The following RBFOX1 variants were observed in gnomAD, a reference collection of about 807,000 sequenced individuals.
RBFOX1 encodes RNA binding fox-1 homolog 1, also known as RNA binding protein fox-1 homolog 1.
In RBFOX1, 8 loss-of-function variants were observed where a neutral mutation model predicts 57.7. The ratio of observed to expected loss-of-function variants is 0.14; its 90% confidence interval spans 0.08 to 0.25. RBFOX1 has a LOEUF of 0.25. Ranked by LOEUF, RBFOX1 falls within the 10% of genes least tolerant of loss-of-function variation. The pLI, the probability that RBFOX1 is intolerant of heterozygous loss-of-function variation, is 1.00. For missense variants in RBFOX1, 611 were observed against 548.5 expected (o/e 1.11, Z -1.14); for synonymous variants, 326 against 222.4 (o/e 1.47, Z -4.15).
At chr16:5,889,921 G>A (rs2058004943) in intron 4 of RBFOX1, among the ~76,000 whole-genome samples, 1 of 152,226 alleles carries the variant, frequency 6.6e-6, no homozygotes, top group Non-Finnish European at 1.5e-5. Flanking sequence ...GGATCTGGCA[G>A]AGGACGAAGA....
chr16:6,095,817 G>T (rs1449585218), intron 1 of RBFOX1, among the ~76,000 whole-genome samples: 1 of 152,184 alleles, frequency 6.6e-6, no homozygotes, highest in Non-Finnish European at 1.5e-5. Flanking sequence ...TACCAACAGT[G>T]CCTGGTTTTC....
At chr16:6,699,301 T>G (rs1478133653) in intron 3 of RBFOX1, among the ~76,000 whole-genome samples, 1 of 103,842 alleles carries the variant, frequency 9.6e-6, no homozygotes, top group Non-Finnish European at 1.9e-5. Flanking sequence ...CTATGTTACT[T>G]TTTTTTTTTT....
chr16:5,443,327 A>G (rs961597539), intron 1 of RBFOX1, among the ~76,000 whole-genome samples: 2 of 152,006 alleles, frequency 1.3e-5, no homozygotes, highest in Non-Finnish European at 1.5e-5. Context: ...GTCACCTACC[A>G]TCTGCGTTTT....
chr16:6,782,088 C>T (rs575946483), intron 3 of RBFOX1, among the ~76,000 whole-genome samples: 1 of 152,048 alleles, frequency 6.6e-6, no homozygotes, highest in African/African-American at 2.4e-5. Context: ...CTCACTGCAA[C>T]CTCCGCCTCC....
At chr16:6,840,897 A>AAC (rs2093423186) in intron 3 of RBFOX1, among the ~76,000 whole-genome samples, 1 of 137,498 alleles carries the variant, frequency 7.3e-6, no homozygotes, top group African/African-American at 2.8e-5. Context: ...CAAAAAAAAA[A>AAC]AAAAAAACGA....
At chr16:7,506,686 G>C (rs74010539) in intron 4 of RBFOX1, among the ~76,000 whole-genome samples, 3,771 of 152,176 alleles carry the variant, frequency 0.025, 127 homozygotes, top group African/African-American at 0.086. Flanking sequence ...ATAAGATTGT[G>C]TTAAAATTCG....
intron 2 of RBFOX1, among the ~76,000 whole-genome samples, chr16:6,617,451 C>T (rs532655717): frequency 2.6e-5 from 4 of 152,050 alleles, no homozygotes; most frequent in Admixed American, 2.6e-4. Flanking sequence ...GTCTGACTCT[C>T]CAGTTCACTT....
chr16:7,200,100 A>G (rs2087934805), intron 4 of RBFOX1, among the ~76,000 whole-genome samples: 1 of 152,230 alleles, frequency 6.6e-6, no homozygotes, highest in Admixed American at 6.5e-5. Context: ...AGTGTCAGGG[A>G]CATGAACACA....
chr16:7,297,636 TA>T (rs951392306), intron 4 of RBFOX1, among the ~76,000 whole-genome samples: 4 of 151,922 alleles, frequency 2.6e-5, no homozygotes, highest in African/African-American at 7.3e-5. Context: ...TTACCACCAT[TA>T]AAAAAAATTA....
At chr16:7,207,477 C>A (rs902395767) in intron 4 of RBFOX1, among the ~76,000 whole-genome samples, 2 of 152,112 alleles carry the variant, frequency 1.3e-5, no homozygotes, top group African/African-American at 4.8e-5. Context: ...CAGTGCAACC[C>A]CCGGACTGGC....
At chr16:6,364,907 T>C (rs1008036448) in intron 2 of RBFOX1, among the ~76,000 whole-genome samples, 1 of 151,996 alleles carries the variant, frequency 6.6e-6, no homozygotes, top group Middle Eastern at 3.2e-3. Context: ...GGGGGTGTGG[T>C]CCTTTTACGA....
intron 3 of RBFOX1, among the ~76,000 whole-genome samples, chr16:6,706,067 G>A (rs1208931654): frequency 6.6e-6 from 1 of 152,148 alleles, no homozygotes; most frequent in African/African-American, 2.4e-5. Context: ...CAGAATTGTG[G>A]ACCACCTTTC....
In RBFOX1 at chr16:7,446,795, G is replaced by GT. The variant is rs1567209049; in HGVS notation, c.28-71352_28-71351insT. ...TATTTCTCAAGCCAAGGTAGGTCTAGGTATTTTTTTTTTTTTTTTTTTTTT... is the reference window on the plus strand; with the variant it reads ...TATTTCTCAAGCCAAGGTAGGTCTAGTGTATTTTTTTTTTTTTTTTTTTTTT... On this transcript the variant is annotated intron_variant, in intron 4 of 15. Transcript: ENST00000550418. Among the ~76,000 whole-genome samples the GT allele has an allele frequency of 1.5e-3, 186 of 128,116 alleles. 1 individual carries two copies. Among genetic ancestry groups the GT allele is most frequent in the African/African-American group, 5.1e-3 (173 of 33,966 alleles). 84.0% of individuals were successfully genotyped at this position (128,116 alleles called of 152,430 possible).
At chr16:5,305,080 G>C (rs1053743309) in intron 1 of RBFOX1, among the ~76,000 whole-genome samples, 2 of 152,116 alleles carry the variant, frequency 1.3e-5, no homozygotes, top group South Asian at 4.1e-4. Context: ...GGTGGGCTTT[G>C]CAAGGGGGTA....
intron 3 of RBFOX1, among the ~76,000 whole-genome samples, chr16:6,988,602 T>C (rs925752436): frequency 4.0e-4 from 61 of 151,872 alleles, no homozygotes; most frequent in African/African-American, 1.4e-3. Flanking sequence ...GGACCGAGTC[T>C]TGCTCTGTCC....
intron 3 of RBFOX1, among the ~76,000 whole-genome samples, chr16:5,766,564 A>G (rs1298762463): frequency 6.6e-6 from 1 of 152,136 alleles, no homozygotes; most frequent in Non-Finnish European, 1.5e-5. Context: ...CAGCCCGGGC[A>G]ACAGTGCGAG....
chr16:7,278,130 C>A (rs531334813), intron 4 of RBFOX1, among the ~76,000 whole-genome samples: 1 of 151,706 alleles, frequency 6.6e-6, no homozygotes, highest in Non-Finnish European at 1.5e-5. Context: ...CGCTTGGTTT[C>A]CAAAATTGTA....
intron 4 of RBFOX1, among the ~76,000 whole-genome samples, chr16:7,228,716 A>T (rs1001474667): frequency 2.0e-5 from 3 of 152,240 alleles, no homozygotes; most frequent in African/African-American, 7.2e-5. Flanking sequence ...GACGACGTGA[A>T]AGAACATTAA....
At chr16:6,296,877 C>A (rs1174495105) in intron 1 of RBFOX1, among the ~76,000 whole-genome samples, 2 of 152,106 alleles carry the variant, frequency 1.3e-5, no homozygotes, top group Admixed American at 1.3e-4. Flanking sequence ...AGAAAGAATT[C>A]AGGATGAGTC....
Sources: gnomAD v4.1 joint callset for allele counts (sites outside exome capture counted in the v4.1 genomes callset) on GRCh38, gnomAD v4.1.1 for gene constraint, MANE v1.5 for transcripts, NCBI Gene and HGNC (gene_info 2026-07-23, HGNC 2026-07-21) for gene names.